EYS: variants seen among roughly 807,000 people sequenced by gnomAD.
EYS encodes protein eyes shut homolog.
In EYS, 250 loss-of-function variants were observed where a neutral mutation model predicts 282.1. That is an observed-to-expected ratio of 0.89 (90% confidence interval 0.80 to 0.98). The LOEUF (loss-of-function observed/expected upper bound fraction) is 0.98, where lower values mean the gene tolerates loss of function less well. Among genes scored for constraint, EYS ranks in the 50% least tolerant of loss-of-function variants. EYS has a pLI of 0.00. For missense variants in EYS, 4,016 were observed against 3,709.0 expected, an observed-to-expected ratio of 1.08 and a Z score of -2.15; for synonymous variants, 1,355 against 1,282.9, an observed-to-expected ratio of 1.06 and a Z score of -1.20.
At chr6:65,138,681 T>C (rs1310100909) in intron 12 of EYS, among the ~76,000 whole-genome samples, 1 of 151,976 alleles carries the variant, frequency 6.6e-6, no homozygotes, top group Non-Finnish European at 1.5e-5. Context: ...TACCTTGAAC[T>C]ACCAACAAGA....
chr6:65,648,406 C>T (rs537326012), intron 1 of EYS, among the ~76,000 whole-genome samples: 15 of 151,274 alleles, frequency 9.9e-5, no homozygotes, highest in Non-Finnish European at 1.9e-4. Flanking sequence ...GTATTTGCAG[C>T]AACCTGGATG....
chr6:64,552,528 G>A (rs1042745564), intron 26 of EYS, among the ~76,000 whole-genome samples: 24 of 152,170 alleles, frequency 1.6e-4, no homozygotes, highest in African/African-American at 5.3e-4. Flanking sequence ...ATAAGAACCC[G>A]GGTCTCTAAA....
At chr6:64,008,288 ATAGCT>A (rs2149809459) in intron 33 of EYS, among the ~76,000 whole-genome samples, 1 of 152,276 alleles carries the variant, frequency 6.6e-6, no homozygotes, top group East Asian at 1.9e-4. Context: ...TGAAATTAGA[ATAGCT>A]ACCCCTGCTG....
intron 13 of EYS, among the ~76,000 whole-genome samples, chr6:65,050,556 GGACTT>G (rs202083462): frequency 0.013 from 2,034 of 151,594 alleles, 24 homozygotes; most frequent in Non-Finnish European, 0.021. Context: ...AAATTGATCT[GGACTT>G]GACTTTAATA....
intron 11 of EYS, among the ~76,000 whole-genome samples, chr6:65,312,500 A>T (rs1400136282): frequency 6.6e-6 from 1 of 152,114 alleles, no homozygotes; most frequent in Non-Finnish European, 1.5e-5. Flanking sequence ...GAGACCTCCC[A>T]AACTCTATAA....
At chr6:63,770,946 G>A (rs957378729) in intron 40 of EYS, among the ~76,000 whole-genome samples, 2 of 152,174 alleles carry the variant, frequency 1.3e-5, no homozygotes, top group African/African-American at 4.8e-5. Flanking sequence ...TTGCTGGTGA[G>A]ATACTCACCT....
chr6:63,984,030 TAATA>T (rs1476046040), intron 35 of EYS, among the ~76,000 whole-genome samples: 2 of 151,424 alleles, frequency 1.3e-5, no homozygotes, highest in Admixed American at 1.3e-4. Context: ...TATAAAAAAT[TAATA>T]AATATATCAA....
At chr6:64,440,660 T>A in intron 26 of EYS, among the ~76,000 whole-genome samples, 1 of 152,234 alleles carries the variant, frequency 6.6e-6, no homozygotes, top group Non-Finnish European at 1.5e-5. Flanking sequence ...AATAACATTT[T>A]AAACAACAAG....
At chr6:65,628,713 C>T (rs1026076155) in intron 2 of EYS, among the ~76,000 whole-genome samples, 2 of 151,642 alleles carry the variant, frequency 1.3e-5, no homozygotes, top group East Asian at 2.0e-4. Context: ...AGCAAGACCA[C>T]GAACCCACCA....
intron 21 of EYS, among the ~76,000 whole-genome samples, chr6:64,818,703 C>T (rs1373481741): frequency 3.3e-5 from 5 of 152,138 alleles, no homozygotes; most frequent in Admixed American, 2.6e-4. Flanking sequence ...GGCCGGAAGA[C>T]TCAGCCAGTC....
intron 22 of EYS, among the ~76,000 whole-genome samples, chr6:64,751,656 G>A (rs1772761905): frequency 6.6e-6 from 1 of 152,174 alleles, no homozygotes; most frequent in Admixed American, 6.5e-5. Context: ...ATCTCTTTCA[G>A]CCACTGTTGG....
intron 30 of EYS, among the ~76,000 whole-genome samples, chr6:64,302,173 C>T (rs111693396): frequency 0.032 from 4,937 of 152,212 alleles, 184 homozygotes; most frequent in African/African-American, 0.088. Flanking sequence ...CAGGTTGTGA[C>T]GTCACTGCTT....
chr6:64,089,707 G>A (rs9450769), intron 31 of EYS, among the ~76,000 whole-genome samples: 10,540 of 151,890 alleles, frequency 0.069, 961 homozygotes, highest in African/African-American at 0.21. Flanking sequence ...AATTTGTTAA[G>A]TGCTGATAAA....
At chr6:64,316,018 C>A (rs1186057669) in intron 29 of EYS, among the ~76,000 whole-genome samples, 1 of 152,272 alleles carries the variant, frequency 6.6e-6, no homozygotes, top group Non-Finnish European at 1.5e-5. Context: ...TATTCAACAA[C>A]CCTTCATGCT....
intron 9 of EYS, among the ~76,000 whole-genome samples, chr6:65,345,984 G>A (rs1770378004): frequency 6.6e-6 from 1 of 151,802 alleles, no homozygotes; most frequent in African/African-American, 2.4e-5. Flanking sequence ...AGCTGACACT[G>A]AGAGTCTCTC....
chr6:63,861,350 C>T (rs970894127), intron 36 of EYS, among the ~76,000 whole-genome samples: 1 of 152,166 alleles, frequency 6.6e-6, no homozygotes, highest in Non-Finnish European at 1.5e-5. Flanking sequence ...TTATCTACAT[C>T]CCCACTGCCA....
intron 31 of EYS, among the ~76,000 whole-genome samples, chr6:64,226,264 C>T (rs1191814249): frequency 6.6e-6 from 1 of 151,990 alleles, no homozygotes; most frequent in African/African-American, 2.4e-5. Context: ...GACAAAACAC[C>T]TAGTAAAGCC....
intron 5 of EYS, among the ~76,000 whole-genome samples, chr6:65,422,788 G>A (rs934363099): frequency 2.7e-5 from 4 of 149,414 alleles, no homozygotes; most frequent in African/African-American, 9.7e-5. Context: ...GGACCAAAAA[G>A]CCTCTCTCTA....
chr6:65,088,010 G>A (rs1774436768), intron 12 of EYS, among the ~76,000 whole-genome samples: 1 of 152,226 alleles, frequency 6.6e-6, no homozygotes, highest in South Asian at 2.1e-4. Flanking sequence ...TTCCCTGTTT[G>A]CACTCACTCC....
Sources: allele counts gnomAD v4.1 joint callset (sites outside exome capture counted in the v4.1 genomes callset), GRCh38; gene constraint gnomAD v4.1.1; transcripts MANE v1.5; gene names NCBI Gene and HGNC (gene_info 2026-07-23, HGNC 2026-07-21).